GRIA1: variants seen among roughly 807,000 people sequenced by gnomAD.
GRIA1 encodes the protein glutamate ionotropic receptor AMPA type subunit 1, also known as glutamate receptor 1.
Under a neutral mutation model 99.2 loss-of-function variants are expected in GRIA1, and 31 were observed. The observed-to-expected ratio is 0.31, with a 90% CI of 0.23 to 0.42. The LOEUF is 0.42. GRIA1 is among the 10% of genes least tolerant of loss of function. GRIA1 has a pLI of 1.00. For synonymous variants in GRIA1, 438 were observed against 432.4 expected, an observed-to-expected ratio of 1.01 and a Z score of -0.16; for missense variants, 782 against 1,157.5, an observed-to-expected ratio of 0.68 and a Z score of 4.71.
At chr5:153,512,801 A>G (rs1412510745) in intron 2 of GRIA1, among the ~76,000 whole-genome samples, 1 of 152,184 alleles carries the variant, frequency 6.6e-6, no homozygotes, top group African/African-American at 2.4e-5. Context: ...GGCTGGCACT[A>G]TGGATTTAAT....
chr5:153,496,105 A>G (rs912086676), intron 2 of GRIA1, among the ~76,000 whole-genome samples: 3 of 152,248 alleles, frequency 2.0e-5, no homozygotes, highest in Non-Finnish European at 4.4e-5. Context: ...CAGCAAGAAA[A>G]TAAAAGACAA....
intron 2 of GRIA1, among the ~76,000 whole-genome samples, chr5:153,613,845 A>G (rs1170666682): frequency 6.6e-6 from 1 of 152,154 alleles, no homozygotes; most frequent in East Asian, 1.9e-4. Flanking sequence ...GTGCCATCCC[A>G]GGCTTTCCTT....
At chr5:153,557,119 G>A (rs901968243) in intron 2 of GRIA1, among the ~76,000 whole-genome samples, 27 of 152,164 alleles carry the variant, frequency 1.8e-4, no homozygotes, top group Non-Finnish European at 2.9e-4. Flanking sequence ...ACCATGAATG[G>A]AGCTTGCAGA....
At chr5:153,507,477 A>T (rs992759958) in intron 2 of GRIA1, among the ~76,000 whole-genome samples, 1 of 152,182 alleles carries the variant, frequency 6.6e-6, no homozygotes, top group Non-Finnish European at 1.5e-5. Context: ...AGAACTTGGC[A>T]TCCTTCCTGC....
At chr5:153,747,405 GCC>G (rs997650459) in intron 11 of GRIA1, among the ~76,000 whole-genome samples, 1 of 152,080 alleles carries the variant, frequency 6.6e-6, no homozygotes, top group Non-Finnish European at 1.5e-5. Flanking sequence ...TTCCCACCAG[GCC>G]CCACCTCCAA....
intron 7 of GRIA1, among the ~76,000 whole-genome samples, chr5:153,681,149 A>G (rs572287740): frequency 6.6e-6 from 1 of 152,326 alleles, no homozygotes; most frequent in Admixed American, 6.5e-5. Context: ...AAGAGACAGT[A>G]TGTCACGTAG....
chr5:153,789,661 T>G (rs995506704), intron 13 of GRIA1, among the ~76,000 whole-genome samples: 7 of 152,210 alleles, frequency 4.6e-5, no homozygotes, highest in African/African-American at 1.4e-4. Context: ...TCTTTTGCTT[T>G]TCCACACCTC....
At chr5:153,543,966 G>A (rs1759373916) in intron 2 of GRIA1, among the ~76,000 whole-genome samples, 1 of 151,834 alleles carries the variant, frequency 6.6e-6, no homozygotes, top group Non-Finnish European at 1.5e-5. Context: ...GAGGGAATAT[G>A]TGTGTATGTT....
intron 2 of GRIA1, among the ~76,000 whole-genome samples, chr5:153,565,014 C>A (rs72800802): frequency 0.097 from 14,688 of 151,854 alleles, 782 homozygotes; most frequent in South Asian, 0.19. Context: ...TTAATTCTCA[C>A]AACAACCCAA....
At chr5:153,537,601 A>G (rs1758701709) in intron 2 of GRIA1, among the ~76,000 whole-genome samples, 2 of 152,200 alleles carry the variant, frequency 1.3e-5, no homozygotes, top group Admixed American at 1.3e-4. Context: ...TTAGGTCCAT[A>G]GCAATCTACC....
intron 11 of GRIA1, among the ~76,000 whole-genome samples, chr5:153,743,410 G>A (rs1163822635): frequency 6.6e-6 from 1 of 152,204 alleles, no homozygotes; most frequent in East Asian, 1.9e-4. Context: ...ATGTCAGCCT[G>A]CTGAGCTCTC....
At chr5:153,625,612 T>G (rs1767528952) in intron 2 of GRIA1, among the ~76,000 whole-genome samples, 1 of 152,224 alleles carries the variant, frequency 6.6e-6, no homozygotes, top group Non-Finnish European at 1.5e-5. Context: ...TGTTGTATGC[T>G]GGAAGCAAAG....
At chr5:153,657,155 C>T (rs570827310) in intron 5 of GRIA1, among the ~76,000 whole-genome samples, 1 of 152,286 alleles carries the variant, frequency 6.6e-6, no homozygotes, top group Admixed American at 6.5e-5. Flanking sequence ...ATGAATAATG[C>T]TGCTATAAAA....
intron 13 of GRIA1, among the ~76,000 whole-genome samples, chr5:153,777,653 GT>G (rs1764345595): frequency 6.6e-6 from 1 of 151,954 alleles, no homozygotes; most frequent in African/African-American, 2.4e-5. Flanking sequence ...AACCAACTGT[GT>G]TCATCAGAAA....
At chr5:153,539,053 G>C (rs1758837959) in intron 2 of GRIA1, among the ~76,000 whole-genome samples, 1 of 152,196 alleles carries the variant, frequency 6.6e-6, no homozygotes, top group African/African-American at 2.4e-5. Flanking sequence ...GGGGTAACTA[G>C]CTGGCCAGGG....
rs577120209 is a variant in GRIA1 at position 153,786,882 on chromosome 5, G to T, written c.2271-7739G>T. Among the ~76,000 whole-genome samples, 7 of 152,188 alleles carry T rather than the reference G, an allele frequency of 4.6e-5. No homozygotes were observed. In the South Asian group the frequency reaches 1.4e-3, roughly 32 times the overall value. Reference sequence around the variant, plus strand: ...GGTTGAGAAAGTAGGATGCCCAGCAGCCTGGTCTGATTAAATCAGAAATTC... The same window carrying T: ...GGTTGAGAAAGTAGGATGCCCAGCATCCTGGTCTGATTAAATCAGAAATTC... On this transcript the variant is annotated intron_variant, in intron 13 of 15. Coordinates refer to ENST00000285900, the MANE Select transcript of GRIA1 (RefSeq NM_000827.4).
rs1394928422 is a variant in GRIA1, at chr5:153,813,802, G to GTT, written c.*2583_*2584dup. On this transcript the variant is annotated 3_prime_UTR_variant, in exon 16 of 16. Coordinates refer to ENST00000285900, the MANE Select transcript of GRIA1 (RefSeq NM_000827.4). The stretch of plus-strand genomic sequence containing the variant: ...TCTTGTTTTTCTTTCAAATAGCCAG[G>GTT]TTTTTTTCTTTTGGTATTTGCATAA... 1 of 152,048 alleles carries GTT rather than the reference G, an allele frequency of 6.6e-6. No homozygotes were observed. The highest frequency in any genetic ancestry group is 6.6e-5 in the Admixed American group (1 of 15,260). 9.4% of individuals were successfully genotyped at this position (152,048 alleles called of 1,614,324 possible). A position where few individuals can be genotyped will look rare whatever the true frequency, so the allele number is the denominator to read the frequency against.
chr5:153,719,777 G>T (rs1295444694), intron 11 of GRIA1, among the ~76,000 whole-genome samples: 1 of 152,076 alleles, frequency 6.6e-6, no homozygotes, highest in Non-Finnish European at 1.5e-5. Flanking sequence ...GGGGGTAGGG[G>T]TATTGTGACC....
At chr5:153,671,779 G>A (rs550754952) in intron 5 of GRIA1, among the ~76,000 whole-genome samples, 6 of 152,160 alleles carry the variant, frequency 3.9e-5, no homozygotes, top group Non-Finnish European at 8.8e-5. Context: ...ATTGCTCTAG[G>A]AGCAGGTTCT....
Sources: gnomAD v4.1 joint callset for allele counts (sites outside exome capture counted in the v4.1 genomes callset) on GRCh38, gnomAD v4.1.1 for gene constraint, MANE v1.5 for transcripts, NCBI Gene and HGNC (gene_info 2026-07-23, HGNC 2026-07-21) for gene names.